Variants in ANK2 observed in about 807,000 individuals in gnomAD.
The protein encoded by ANK2 is ankyrin 2.
ANK2 carries 83 observed loss-of-function variants against 360.5 expected under a neutral mutation model. The observed-to-expected ratio is 0.23, with a 90% CI of 0.19 to 0.28. ANK2 has a LOEUF of 0.28. Among genes scored for constraint, ANK2 ranks in the 10% least tolerant of loss-of-function variants. The probability of loss-of-function intolerance (pLI) is 1.00; values close to 1 mark genes in which losing one functional copy is unlikely to be tolerated. For missense variants in ANK2, 4,201 were observed against 4,795.7 expected (o/e 0.88, Z 3.66); for synonymous variants, 1,740 against 1,759.5 (o/e 0.99, Z 0.28).
intron 2 of ANK2, among the ~76,000 whole-genome samples, chr4:112,917,533 C>T (rs537850176): frequency 6.6e-6 from 1 of 152,266 alleles, no homozygotes; most frequent in African/African-American, 2.4e-5. Flanking sequence ...CCATGTGTTA[C>T]ATGTTGAAAG....
At chr4:112,796,240 A>T in the ANK2 span, among the ~76,000 whole-genome samples, 18 of 152,254 alleles carry the variant, frequency 1.2e-4, no homozygotes, top group African/African-American at 4.3e-4. Flanking sequence ...CCTGACCAAC[A>T]TGGAGAAACT....
At chr4:113,177,873 C>G (rs1007687784) in intron 2 of ANK2, among the ~76,000 whole-genome samples, 1 of 152,176 alleles carries the variant, frequency 6.6e-6, no homozygotes, top group African/African-American at 2.4e-5. Flanking sequence ...TGATATTTTT[C>G]TAACTTGTAA....
rs186228782 is a variant in ANK2 at position 113,224,543 on chromosome 4, G to A, written c.385-7618G>A. Among the ~76,000 whole-genome samples the A allele has an allele frequency of 1.9e-4, 29 of 152,218 alleles. 1 individual carries two copies. Among genetic ancestry groups the A allele is most frequent in the Admixed American group, 1.6e-3 (25 of 15,286 alleles). The stretch of plus-strand genomic sequence containing the variant: ...GTTAAAAATTCCTCAACTGTAAAAT[G>A]GTGACATCTGTTTCAGCTGCAACAT... On this transcript the variant is annotated intron_variant, in intron 4 of 45. Coordinates refer to ENST00000357077, the MANE Select transcript of ANK2 (RefSeq NM_001148.6).
At chr4:112,716,316 G>A in the ANK2 span, among the ~76,000 whole-genome samples, 11 of 151,860 alleles carry the variant, frequency 7.2e-5, no homozygotes, top group African/African-American at 2.2e-4. Context: ...GGCTGGTCTC[G>A]AACTTCTATT....
intron 34 of ANK2, among the ~76,000 whole-genome samples, chr4:113,345,248 A>G (rs2094709075): frequency 6.6e-6 from 1 of 152,198 alleles, no homozygotes; most frequent in Non-Finnish European, 1.5e-5. Flanking sequence ...GCAAACGTAT[A>G]GAGACAGAAA....
intron 2 of ANK2, among the ~76,000 whole-genome samples, chr4:112,930,892 GAA>G (rs111287075): frequency 4.3e-5 from 5 of 116,156 alleles, no homozygotes; most frequent in East Asian, 4.6e-4. Flanking sequence ...CATCTCGAGA[GAA>G]AAAAAAAAAA....
intron 2 of ANK2, among the ~76,000 whole-genome samples, chr4:113,195,048 T>G (rs2098728147): frequency 6.6e-6 from 1 of 152,154 alleles, no homozygotes; most frequent in South Asian, 2.1e-4. Flanking sequence ...TTAAAATTAT[T>G]CCCTCATAAA....
intron 1 of ANK2, among the ~76,000 whole-genome samples, chr4:112,828,200 T>C (rs184542541): frequency 6.7e-6 from 1 of 150,208 alleles, no homozygotes; most frequent in Non-Finnish European, 1.5e-5. Flanking sequence ...TCTTTCACCA[T>C]ATACAAAAAT....
intron 1 of ANK2, among the ~76,000 whole-genome samples, chr4:113,151,681 A>C (rs2097091850): frequency 6.6e-6 from 1 of 152,150 alleles, no homozygotes; most frequent in South Asian, 2.1e-4. Flanking sequence ...TATAAAACAT[A>C]TTTACTATAG....
At chr4:112,892,182 A>C (rs186540756) in intron 1 of ANK2, among the ~76,000 whole-genome samples, 148 of 152,236 alleles carry the variant, frequency 9.7e-4, no homozygotes, top group African/African-American at 3.2e-3. Context: ...TCTGGATTCC[A>C]GGGGGAAGGA....
intron 37 of ANK2, among the ~76,000 whole-genome samples, chr4:113,352,207 G>A (rs1011266826): frequency 4.6e-5 from 7 of 152,144 alleles, no homozygotes; most frequent in Admixed American, 1.3e-4. Context: ...TGTGTGTCCC[G>A]TGTGACTGTC....
intron 23 of ANK2, among the ~76,000 whole-genome samples, chr4:113,305,279 G>T (rs1466903097): frequency 1.4e-5 from 2 of 143,310 alleles, no homozygotes; most frequent in Non-Finnish European, 3.0e-5. Flanking sequence ...GGCGGAGCTT[G>T]CAGTGAGCCG....
At chr4:113,092,241 A>G (rs2154354059) in intron 1 of ANK2, among the ~76,000 whole-genome samples, 1 of 152,354 alleles carries the variant, frequency 6.6e-6, no homozygotes. Flanking sequence ...ATTGCAATCC[A>G]TACACTACAC....
At chr4:113,184,801 T>G (rs2098483473) in intron 2 of ANK2, among the ~76,000 whole-genome samples, 2 of 152,114 alleles carry the variant, frequency 1.3e-5, no homozygotes, top group South Asian at 4.2e-4. Context: ...GGTGGTTTGC[T>G]GCACCCATCA....
intron 4 of ANK2, among the ~76,000 whole-genome samples, chr4:113,217,704 TCGCCGCCTCTCCCC>T (rs1309955983): frequency 6.6e-6 from 1 of 152,086 alleles, no homozygotes; most frequent in Non-Finnish European, 1.5e-5. Context: ...TAATGCTCAC[TCGCCGCCTCTCCCC>T]CGCCCCGACT....
chr4:112,748,633 C>T, the ANK2 span, among the ~76,000 whole-genome samples: 1 of 152,240 alleles, frequency 6.6e-6, no homozygotes. Flanking sequence ...AGCTGTTGGG[C>T]CTAAAGTTCC....
At chr4:112,954,009 G>A (rs1028144512) in intron 2 of ANK2, among the ~76,000 whole-genome samples, 15 of 150,152 alleles carry the variant, frequency 1.0e-4, no homozygotes, top group African/African-American at 3.7e-4. Context: ...ATATATGATA[G>A]ACTGGTACTT....
intron 2 of ANK2, among the ~76,000 whole-genome samples, chr4:112,926,227 A>G (rs532933838): frequency 5.9e-5 from 9 of 152,214 alleles, no homozygotes; most frequent in Non-Finnish European, 1.2e-4. Context: ...TGACTGGGCC[A>G]TATGTGCCAG....
chr4:112,928,297 C>T (rs1356835136), intron 2 of ANK2, among the ~76,000 whole-genome samples: 1 of 150,168 alleles, frequency 6.7e-6, no homozygotes, highest in Non-Finnish European at 1.5e-5. Flanking sequence ...TAGAAAAAGT[C>T]TTAAATAGAA....
Sources: allele counts gnomAD v4.1 joint callset (sites outside exome capture counted in the v4.1 genomes callset), GRCh38; gene constraint gnomAD v4.1.1; transcripts MANE v1.5; gene names NCBI Gene and HGNC (gene_info 2026-07-23, HGNC 2026-07-21).